Variants in DNAH11 observed in about 807,000 individuals in gnomAD.
DNAH11 encodes the protein axonemal beta dynein heavy chain 11.
A neutral mutation model predicts 526.0 loss-of-function variants in DNAH11; 442 were observed. That is an observed-to-expected ratio of 0.84 (90% CI 0.78 to 0.91). The LOEUF (loss-of-function observed/expected upper bound fraction) is 0.91, where lower values mean the gene tolerates loss of function less well. DNAH11 is among the 40% of genes least tolerant of loss of function. The pLI is 0.00. For missense variants in DNAH11, 6,989 were observed against 5,448.7 expected, an observed-to-expected ratio of 1.28 and a Z score of -8.90; for synonymous variants, 2,461 against 1,935.9, an observed-to-expected ratio of 1.27 and a Z score of -7.12.
At chr7:21,660,343 C>G (rs1236870145) in intron 30 of DNAH11, among the ~76,000 whole-genome samples, 2 of 151,898 alleles carry the variant, frequency 1.3e-5, no homozygotes, top group African/African-American at 2.4e-5. Context: ...TTCAGCTATC[C>G]TCAATCACTA....
rs369213196 is a variant in DNAH11 at position 21,601,035 on chromosome 7, T to A, written c.3281T>A (p.Val1094Asp). The A allele has an allele frequency of 3.2e-5, 51 of 1,612,042 alleles. No individual in the cohort carries two copies. The African/African-American group carries it at 5.5e-4, about 17-fold the overall frequency. The change falls in exon 17 of 82, where the codon GTT (valine) becomes GAT (aspartate). Residue 1094 changes from valine (V) to aspartate (D), a missense_variant. Val to Asp is a radical substitution (Grantham distance 152). Coordinates refer to ENST00000409508, the MANE Select transcript of DNAH11 (RefSeq NM_001277115.2). ...ATTGACATTTATGAAGCTTTGTATGTTCAAATGAGCAAATTTGAGGACTTT... is the reference window on the plus strand; with the variant it reads ...ATTGACATTTATGAAGCTTTGTATGATCAAATGAGCAAATTTGAGGACTTT... Reference protein sequence around the residue: ...EQIDIYEALYVQMSKFEDFRV... With the variant: ...EQIDIYEALYDQMSKFEDFRV...
At position 21,881,100 on chromosome 7, in the gene DNAH11, C is replaced by T. The variant is rs1394998120; in HGVS notation, c.12387+207C>T. On this transcript the variant is annotated intron_variant, in intron 75 of 81. Coordinates refer to ENST00000409508, the MANE Select transcript of DNAH11 (RefSeq NM_001277115.2). ...TTGCACTTCATGAGATAGGTCAAAC[C>T]AGTTCTACATCAGCAGCTTAGTGTA... Among the ~76,000 whole-genome samples, 4 of 152,100 alleles carry T rather than the reference C, an allele frequency of 2.6e-5. No homozygotes were observed. The East Asian group carries it at 7.7e-4, about 29-fold the overall frequency.
chr7:21,604,789 G>T (rs1416328266), intron 18 of DNAH11, among the ~76,000 whole-genome samples: 1 of 152,166 alleles, frequency 6.6e-6, no homozygotes, highest in Non-Finnish European at 1.5e-5. Context: ...ACTTCCTCCT[G>T]GCTTCCCAGC....
intron 2 of DNAH11, among the ~76,000 whole-genome samples, chr7:21,557,329 G>T (rs1360017323): frequency 6.6e-6 from 1 of 152,098 alleles, no homozygotes; most frequent in Non-Finnish European, 1.5e-5. Flanking sequence ...GTCTTACTCT[G>T]TTCAGGTTGC....
At chr7:21,764,280 GTTAAA>G (rs543792402) in intron 54 of DNAH11, among the ~76,000 whole-genome samples, 2 of 100,900 alleles carry the variant, frequency 2.0e-5, no homozygotes, top group South Asian at 3.0e-4. Context: ...TAAAACACTT[GTTAAA>G]TGAGATATGG....
chr7:21,844,760 T>C (rs1280655933), intron 66 of DNAH11, among the ~76,000 whole-genome samples: 1 of 152,238 alleles, frequency 6.6e-6, no homozygotes, highest in African/African-American at 2.4e-5. Flanking sequence ...TACTAAGCCA[T>C]GCAGGAAATT....
chr7:21,706,039 T>C (rs1784250368), intron 39 of DNAH11, among the ~76,000 whole-genome samples: 1 of 152,094 alleles, frequency 6.6e-6, no homozygotes, highest in South Asian at 2.1e-4. Flanking sequence ...AACCGAAATA[T>C]TTTCCTTCAG....
chr7:21,591,182 C>G lies in DNAH11; in HGVS notation c.2275-3C>G. Reference sequence around the variant, plus strand: ...TTTTTGTTTTGGGGTTTTCTTTGCTCAGTACATTGGAAATCTTGACCTTCT... The same window carrying G: ...TTTTTGTTTTGGGGTTTTCTTTGCTGAGTACATTGGAAATCTTGACCTTCT... On this transcript the variant is annotated splice_region_variant and splice_polypyrimidine_tract_variant and intron_variant, in intron 13 of 81. Transcript: ENST00000409508. 1 of 1,537,614 alleles carries G rather than the reference C, an allele frequency of 6.5e-7. No individual in the cohort carries two copies. Among genetic ancestry groups the G allele is most frequent in the Non-Finnish European group, 8.7e-7 (1 of 1,149,890 alleles).
chr7:21,801,423 C>T (rs1788990329), intron 62 of DNAH11, 148 bp downstream of exon 62: 1 of 1,101,204 alleles, frequency 9.1e-7, no homozygotes. Context: ...GGCTCTAACT[C>T]ACCAGAAGGA....
At chr7:21,741,794 G>T in intron 48 of DNAH11, 133 bp from the exon 49 acceptor site, 1 of 1,006,034 alleles carries the variant, frequency 9.9e-7, no homozygotes, top group Non-Finnish European at 1.4e-6. Context: ...GCCAACCCCA[G>T]AGTCAGAGTG....
intron 32 of DNAH11, among the ~76,000 whole-genome samples, chr7:21,684,945 A>G (rs1285223134): frequency 6.6e-6 from 1 of 152,208 alleles, no homozygotes. Context: ...CCAATTATCC[A>G]CTATCACCGA....
At chr7:21,796,276 G>T (rs1335906350) in intron 61 of DNAH11, among the ~76,000 whole-genome samples, 4 of 152,186 alleles carry the variant, frequency 2.6e-5, no homozygotes, top group Non-Finnish European at 4.4e-5. Flanking sequence ...ACTAGCCCCA[G>T]TAGGGATCTG....
intron 66 of DNAH11, among the ~76,000 whole-genome samples, chr7:21,844,416 C>G (rs554885899): frequency 2.6e-5 from 4 of 152,280 alleles, no homozygotes; most frequent in South Asian, 4.1e-4. Context: ...CAGAGCAAGA[C>G]TCTGTCTCAA....
chr7:21,575,047 G>T (rs1280981576), intron 8 of DNAH11, among the ~76,000 whole-genome samples: 2 of 151,250 alleles, frequency 1.3e-5, no homozygotes, highest in African/African-American at 4.9e-5. Context: ...ACTAACTTTT[G>T]TATTTTTAAT....
intron 76 of DNAH11, among the ~76,000 whole-genome samples, chr7:21,885,141 C>A (rs1214396435): frequency 1.7e-5 from 2 of 116,726 alleles, no homozygotes; most frequent in African/African-American, 3.0e-5. Context: ...AAGGTAAGAA[C>A]CTTATTTGGA....
chr7:21,663,374 A>T (rs1175149437), intron 30 of DNAH11, among the ~76,000 whole-genome samples: 1 of 152,070 alleles, frequency 6.6e-6, no homozygotes, highest in African/African-American at 2.4e-5. Context: ...TGCTGGTTCT[A>T]TTATTAGTTC....
intron 74 of DNAH11, among the ~76,000 whole-genome samples, chr7:21,879,466 CAAAA>C (rs942342745): frequency 6.8e-6 from 1 of 146,444 alleles, no homozygotes; most frequent in Non-Finnish European, 1.5e-5. Context: ...AACAAATAAA[CAAAA>C]AAAAAACCTC....
At chr7:21,858,778 G>T (rs917364648) in intron 68 of DNAH11, among the ~76,000 whole-genome samples, 3 of 152,156 alleles carry the variant, frequency 2.0e-5, no homozygotes, top group African/African-American at 4.8e-5. Flanking sequence ...TAAGTAGAAA[G>T]GTTCTTTATC....
At chr7:21,781,382 G>A (rs1787934681) in intron 57 of DNAH11, among the ~76,000 whole-genome samples, 1 of 152,132 alleles carries the variant, frequency 6.6e-6, no homozygotes, top group Admixed American at 6.5e-5. Flanking sequence ...TGAACCACTG[G>A]GCATTGCCAG....
Sources: gnomAD v4.1 joint callset for allele counts (sites outside exome capture counted in the v4.1 genomes callset) on GRCh38, gnomAD v4.1.1 for gene constraint, MANE v1.5 for transcripts, NCBI Gene and HGNC (gene_info 2026-07-23, HGNC 2026-07-21) for gene names.